ABCA13: variants seen among roughly 807,000 people sequenced by gnomAD.
ABCA13 encodes ATP-binding cassette sub-family A member 13.
ABCA13 carries 476 observed loss-of-function variants against 478.7 expected under a neutral mutation model. The observed-to-expected ratio is 0.99, with a 90% CI of 0.92 to 1.07. The LOEUF (loss-of-function observed/expected upper bound fraction) is 1.07. Ranked by LOEUF, ABCA13 falls within the 50% of genes least tolerant of loss-of-function variation. The pLI is 0.00. For synonymous variants in ABCA13, 2,252 were observed against 2,158.9 expected, an observed-to-expected ratio of 1.04 and a Z score of -1.20; for missense variants, 6,060 against 5,910.6, an observed-to-expected ratio of 1.03 and a Z score of -0.83.
At chr7:48,427,679 C>A in intron 41 of ABCA13, 87 bp from the exon 42 acceptor site, 1 of 821,636 alleles carries the variant, frequency 1.2e-6, no homozygotes, top group Non-Finnish European at 2.0e-6. Context: ...GTTGTCACAA[C>A]CGGATTAGGC....
At chr7:48,215,921 T>C (rs1469899353) in intron 3 of ABCA13, among the ~76,000 whole-genome samples, 1 of 152,206 alleles carries the variant, frequency 6.6e-6, no homozygotes, top group Non-Finnish European at 1.5e-5. Context: ...GGTTCATTCA[T>C]GTTGTAGCAT....
In ABCA13 at chr7:48,219,446, G is replaced by T. The variant is rs1157501436; in HGVS notation, c.380G>T (p.Gly127Val). The change falls in exon 4 of 62, where the codon GGA becomes GTA. Residue 127 changes from glycine to valine, a missense_variant. Physicochemically the swap from Gly to Val is moderately radical, Grantham distance 109. Around this residue, in one of 3 missense-constraint regions of ABCA13, gnomAD observed 4,423 missense variants for 4,309.1 expected, o/e 1.03. Coordinates refer to ENST00000435803, the MANE Select transcript of ABCA13 (RefSeq NM_152701.5). ...CAAGACCTGGCAGAGGAAATTCATG[G>T]AATGATGGACAAGGCAAAAAACTTA... ...EIQDLAEEIH[G>V]MMDKAKNLKR... 6.2e-7 allele frequency: 1 copy of T among 1,613,212 alleles called. No individual in the cohort carries two copies. Among genetic ancestry groups the T allele is most frequent in the South Asian group, 1.1e-5 (1 of 90,920 alleles).
intron 42 of ABCA13, among the ~76,000 whole-genome samples, chr7:48,435,162 T>C (rs570329226): frequency 6.6e-6 from 1 of 151,900 alleles, no homozygotes; most frequent in South Asian, 2.1e-4. Flanking sequence ...CACCTGTTTG[T>C]GTCTTTTTCA....
At chr7:48,607,659 C>A (rs905463320) in intron 58 of ABCA13, among the ~76,000 whole-genome samples, 10 of 152,132 alleles carry the variant, frequency 6.6e-5, no homozygotes, top group African/African-American at 2.2e-4. Context: ...GAGAAACTTT[C>A]TTGTTTCTTT....
At chr7:48,363,790 A>G (rs549848628) in intron 31 of ABCA13, among the ~76,000 whole-genome samples, 18 of 151,976 alleles carry the variant, frequency 1.2e-4, no homozygotes, top group Admixed American at 3.3e-4. Context: ...CCCATTTTAT[A>G]TCTTTCTGCT....
In ABCA13 at chr7:48,407,271, C is replaced by T. The variant is rs187515086; in HGVS notation, c.12071-3249C>T. ...AGTGGATCACCTGAGGTCAGGAGTT[C>T]GAGACCAGCCTGACCAACATGGCAA... On this transcript the variant is annotated intron_variant, in intron 39 of 61. Coordinates refer to ENST00000435803, the MANE Select transcript of ABCA13 (RefSeq NM_152701.5). 6.5e-4 allele frequency among the ~76,000 whole-genome samples: 98 copies of T among 151,912 alleles called. 1 individual carries two copies. The highest frequency in any genetic ancestry group is 2.2e-3 in the African/African-American group (93 of 41,440).
intron 9 of ABCA13, 27 bp from the exon 10 acceptor site, chr7:48,240,840 C>A: frequency 6.8e-7 from 1 of 1,466,480 alleles, no homozygotes. Context: ...ATTATTAATG[C>A]TAGTATTTTG....
At chr7:48,421,212 T>G (rs896831248) in intron 41 of ABCA13, among the ~76,000 whole-genome samples, 2 of 151,812 alleles carry the variant, frequency 1.3e-5, no homozygotes, top group African/African-American at 4.8e-5. Flanking sequence ...TTTTTTTTTT[T>G]GAGGATATAT....
In ABCA13 at chr7:48,248,367, C is replaced by T; in HGVS notation, c.1788C>T (p.Phe596=). The T allele has an allele frequency of 1.2e-6, 2 of 1,613,754 alleles. No homozygotes were observed. The highest frequency in any genetic ancestry group is 1.3e-5 in the African/African-American group (1 of 75,032). The change falls in exon 14 of 62, where the codon TTC becomes TTT. Residue 596 remains phenylalanine (F), a synonymous_variant. Transcript: ENST00000435803. Reference sequence around the variant, plus strand: ...CAAGCCTTTCCTGTACTCGGCTCTTCCTGCTGCTGGGAGCTGATCCCTCTC... The same window carrying T: ...CAAGCCTTTCCTGTACTCGGCTCTTTCTGCTGCTGGGAGCTGATCCCTCTC... ...SEASLSCTRL[F]LLLGADPSPE...
At chr7:48,622,137 C>CCT (rs1793198303) in intron 59 of ABCA13, among the ~76,000 whole-genome samples, 1 of 152,144 alleles carries the variant, frequency 6.6e-6, no homozygotes, top group Non-Finnish European at 1.5e-5. Context: ...CTCCTTGTCC[C>CCT]CTCTCCAGCC....
At chr7:48,182,195 A>G (rs1302883330) in intron 1 of ABCA13, among the ~76,000 whole-genome samples, 1 of 152,250 alleles carries the variant, frequency 6.6e-6, no homozygotes, top group Non-Finnish European at 1.5e-5. Context: ...ATAAATATGT[A>G]TATTTAACTC....
At chr7:48,231,000 A>C (rs534241924) in intron 7 of ABCA13, among the ~76,000 whole-genome samples, 11 of 152,252 alleles carry the variant, frequency 7.2e-5, no homozygotes, top group African/African-American at 2.6e-4. Flanking sequence ...CACCAGGTCC[A>C]GTCGTCGGGT....
At chr7:48,247,159 G>A (rs1001587333) in intron 13 of ABCA13, among the ~76,000 whole-genome samples, 13 of 151,962 alleles carry the variant, frequency 8.6e-5, no homozygotes, top group Non-Finnish European at 1.5e-4. Context: ...AATTGCTTGA[G>A]CCCAGCAGGT....
chr7:48,566,183 C>T (rs753167337), intron 55 of ABCA13, among the ~76,000 whole-genome samples: 2 of 152,070 alleles, frequency 1.3e-5, no homozygotes, highest in Non-Finnish European at 1.5e-5. Flanking sequence ...CTGGCAAAGA[C>T]CCCTCAGAGT....
chr7:48,550,770 T>A (rs1785244233), intron 55 of ABCA13, among the ~76,000 whole-genome samples: 2 of 151,292 alleles, frequency 1.3e-5, no homozygotes, highest in South Asian at 4.2e-4. Flanking sequence ...CATCCATCCA[T>A]CCATCTGCTT....
At chr7:48,635,054 C>A (rs564490233) in intron 59 of ABCA13, among the ~76,000 whole-genome samples, 1 of 152,156 alleles carries the variant, frequency 6.6e-6, no homozygotes, top group African/African-American at 2.4e-5. Context: ...AAATTTGCCA[C>A]TGGGAGGGCT....
chr7:48,450,453 T>A (rs1824852550), intron 42 of ABCA13, among the ~76,000 whole-genome samples: 2 of 152,214 alleles, frequency 1.3e-5, no homozygotes, highest in Admixed American at 1.3e-4. Flanking sequence ...AAAAAATGCT[T>A]ATACCACCTT....
chr7:48,482,261 CT>C (rs1418087818), intron 46 of ABCA13, among the ~76,000 whole-genome samples: 2 of 152,118 alleles, frequency 1.3e-5, no homozygotes, highest in African/African-American at 4.8e-5. Flanking sequence ...CAAGGAACAT[CT>C]AACCCACTTG....
chr7:48,535,710 T>C (rs1736661946), intron 55 of ABCA13, among the ~76,000 whole-genome samples: 2 of 152,048 alleles, frequency 1.3e-5, no homozygotes, highest in Non-Finnish European at 1.5e-5. Context: ...GGGTGTGTGG[T>C]TCTCAGGCCA....
Sources: gnomAD v4.1 joint callset for allele counts (sites outside exome capture counted in the v4.1 genomes callset) on GRCh38, gnomAD v4.1.1 for gene constraint, gnomAD v4.1.1 regional missense constraint, MANE v1.5 for transcripts, NCBI Gene and HGNC (gene_info 2026-07-23, HGNC 2026-07-21) for gene names.